The following NIPA1 variants were observed in gnomAD, a reference collection of about 807,000 sequenced individuals.
NIPA1 encodes the protein NIPA magnesium transporter 1.
In NIPA1, 13 loss-of-function variants were observed where a neutral mutation model predicts 23.9. The observed-to-expected ratio is 0.54, with a 90% CI of 0.35 to 0.87. The LOEUF (loss-of-function observed/expected upper bound fraction) is 0.87, where lower values mean the gene tolerates loss of function less well. NIPA1 is among the 40% of genes least tolerant of loss of function. The probability of loss-of-function intolerance (pLI) is 0.01; values close to 1 mark genes in which losing one functional copy is unlikely to be tolerated. For missense variants in NIPA1, 362 were observed against 429.7 expected (o/e 0.84, Z 1.39); for synonymous variants, 234 against 202.9 (o/e 1.15, Z -1.30).
chr15:22,789,001 A>AT (rs564076383), intron 1 of NIPA1, among the ~76,000 whole-genome samples: 717 of 138,616 alleles, frequency 5.2e-3, no homozygotes, highest in African/African-American at 7.8e-3. Flanking sequence ...TTTTATTATG[A>AT]TTTTTTTTTG....
At chr15:22,793,198 A>C (rs945396238) in intron 1 of NIPA1, among the ~76,000 whole-genome samples, 1 of 150,886 alleles carries the variant, frequency 6.6e-6, no homozygotes. Context: ...AAAATACAAA[A>C]ATTAGCCGGG....
At chr15:22,791,916 C>T in intron 1 of NIPA1, among the ~76,000 whole-genome samples, 1 of 151,314 alleles carries the variant, frequency 6.6e-6, no homozygotes. Context: ...CAGGGAGCGT[C>T]CTCTACAGCA....
At chr15:22,809,695 A>C (rs940042521) in intron 1 of NIPA1, among the ~76,000 whole-genome samples, 3 of 151,762 alleles carry the variant, frequency 2.0e-5, no homozygotes, top group East Asian at 1.9e-4. Flanking sequence ...CAGTGAGTCA[A>C]CATCGCACCA....
At position 22,806,190 on chromosome 15, in the gene NIPA1, C is replaced by T. The variant is rs144241938; in HGVS notation, c.179-4559C>T. On this transcript the variant is annotated intron_variant, in intron 1 of 4. Transcript: ENST00000337435. ...CGCCCGCCTCGGCCTCCCAAAGTGC[C>T]GGGATTACAGGCGTGAGCCACCGCG... Among the ~76,000 whole-genome samples the T allele has an allele frequency of 3.3e-3, 506 of 152,174 alleles. 1 individual carries two copies. The highest frequency in any genetic ancestry group is 9.6e-3 in the African/African-American group (400 of 41,514).
At chr15:22,822,849 A>G (rs1825227417) in intron 4 of NIPA1, among the ~76,000 whole-genome samples, 1 of 150,944 alleles carries the variant, frequency 6.6e-6, no homozygotes, top group Non-Finnish European at 1.5e-5. Context: ...AACAAACAAC[A>G]AGAAAAAAAG....
At chr15:22,816,131 T>C (rs1895410271) in intron 3 of NIPA1, among the ~76,000 whole-genome samples, 1 of 151,410 alleles carries the variant, frequency 6.6e-6, no homozygotes, top group Admixed American at 6.6e-5. Flanking sequence ...GCATCCATAT[T>C]GGAAAGGAAA....
chr15:22,816,207 T>TG (rs1895414242), intron 3 of NIPA1, among the ~76,000 whole-genome samples: 1 of 97,734 alleles, frequency 1.0e-5, no homozygotes, highest in Non-Finnish European at 2.1e-5. Flanking sequence ...TTTTTTTTTT[T>TG]GAGACAGAGT....
chr15:22,799,830 G>A (rs1170839902), intron 1 of NIPA1, among the ~76,000 whole-genome samples: 1 of 148,354 alleles, frequency 6.7e-6, no homozygotes, highest in Non-Finnish European at 1.5e-5. Context: ...TGTAGTCTCA[G>A]CTACTGGGGA....
chr15:22,809,036 A>G (rs1467717026), intron 1 of NIPA1, among the ~76,000 whole-genome samples: 1 of 152,134 alleles, frequency 6.6e-6, no homozygotes, highest in Non-Finnish European at 1.5e-5. Context: ...GCAGGCTAGC[A>G]GGCTATGTGT....
intron 1 of NIPA1, among the ~76,000 whole-genome samples, chr15:22,797,448 G>A (rs1448034679): frequency 1.3e-5 from 2 of 151,510 alleles, no homozygotes; most frequent in East Asian, 1.9e-4. Flanking sequence ...TCCTGACCTC[G>A]TGATCCACCC....
At chr15:22,790,699 C>T (rs947367794) in intron 1 of NIPA1, among the ~76,000 whole-genome samples, 1 of 152,138 alleles carries the variant, frequency 6.6e-6, no homozygotes, top group Non-Finnish European at 1.5e-5. Context: ...CAGGCGTGAG[C>T]CACCATGCTT....
At chr15:22,803,583 A>C (rs1240689425) in intron 1 of NIPA1, among the ~76,000 whole-genome samples, 2 of 128,494 alleles carry the variant, frequency 1.6e-5, no homozygotes, top group African/African-American at 3.1e-5. Context: ...ATCTTGGCTC[A>C]CTGCAACCTC....
At chr15:22,808,424 CA>C (rs1333521391) in intron 1 of NIPA1, among the ~76,000 whole-genome samples, 6 of 152,172 alleles carry the variant, frequency 3.9e-5, no homozygotes, top group Admixed American at 3.3e-4. Context: ...TGGAGCCTGG[CA>C]GCAGAGGTAG....
At chr15:22,795,854 G>A (rs971686272) in intron 1 of NIPA1, among the ~76,000 whole-genome samples, 5 of 152,162 alleles carry the variant, frequency 3.3e-5, no homozygotes, top group South Asian at 2.1e-4. Context: ...GAACACAGCT[G>A]GGGCTGATTT....
At position 22,799,655 on chromosome 15, in the gene NIPA1, G is replaced by A. The variant is rs565336417; in HGVS notation, c.179-11094G>A. 1.4e-4 allele frequency among the ~76,000 whole-genome samples: 22 copies of A among 151,734 alleles called. No individual in the cohort carries two copies. The South Asian group carries it at 3.8e-3, about 26-fold the overall frequency. The stretch of plus-strand genomic sequence containing the variant: ...AAATTAGCCAGGTGTGGCGGCAGGC[G>A]CCTGTAGTCCCAGCTACTCGGGAGG... On this transcript the variant is annotated intron_variant, in intron 1 of 4. Coordinates refer to ENST00000337435, the MANE Select transcript of NIPA1 (RefSeq NM_144599.5).
intron 3 of NIPA1, 100 bp downstream of exon 3, chr15:22,812,353 T>A: frequency 1.2e-6 from 1 of 864,928 alleles, no homozygotes; most frequent in Non-Finnish European, 1.9e-6. Context: ...AAAATTGTAA[T>A]AGAAGATAGA....
intron 1 of NIPA1, among the ~76,000 whole-genome samples, chr15:22,792,949 C>G (rs972473718): frequency 6.6e-6 from 1 of 151,908 alleles, no homozygotes; most frequent in Non-Finnish European, 1.5e-5. Context: ...AGCAAAAACT[C>G]CATCTAAAAA....
chr15:22,815,019 A>T (rs1357467397), intron 3 of NIPA1, among the ~76,000 whole-genome samples: 1 of 152,154 alleles, frequency 6.6e-6, no homozygotes, highest in Admixed American at 6.5e-5. Flanking sequence ...ATGTCTCCAG[A>T]CACTGGCAGA....
intron 3 of NIPA1, among the ~76,000 whole-genome samples, chr15:22,812,652 T>TAAA (rs60183245): frequency 8.1e-4 from 119 of 146,620 alleles, no homozygotes; most frequent in East Asian, 4.2e-3. Flanking sequence ...GACTCTGCCT[T>TAAA]AAAAAAAAAA....
Sources: allele counts gnomAD v4.1 joint callset (sites outside exome capture counted in the v4.1 genomes callset), GRCh38; gene constraint gnomAD v4.1.1; transcripts MANE v1.5; gene names NCBI Gene and HGNC (gene_info 2026-07-23, HGNC 2026-07-21).